Variants in PIP5K1C observed in about 807,000 individuals in gnomAD.
The protein encoded by PIP5K1C is phosphatidylinositol-4-phosphate 5-kinase type 1 gamma.
In PIP5K1C, 45 loss-of-function variants were observed where a neutral mutation model predicts 80.1. The ratio of observed to expected loss-of-function variants is 0.56; its 90% CI spans 0.44 to 0.72. The LOEUF is 0.72. Ranked by LOEUF, PIP5K1C falls within the 30% of genes least tolerant of loss-of-function variation. The probability of loss-of-function intolerance (pLI) is 0.00; values close to 1 mark genes in which losing one functional copy is unlikely to be tolerated. For missense variants in PIP5K1C, 753 were observed against 954.6 expected, an observed-to-expected ratio of 0.79 and a Z score of 2.78; for synonymous variants, 498 against 420.1, an observed-to-expected ratio of 1.19 and a Z score of -2.27.
chr19:3,667,197 C>A, intron 2 of PIP5K1C, 125 bp downstream of exon 2: 1 of 797,354 alleles, frequency 1.3e-6, no homozygotes, highest in South Asian at 1.5e-5. Context: ...CTTGTGGACA[C>A]TGGACGGCAT....
chr19:3,687,498 C>CACACACAT (rs2035794946), intron 1 of PIP5K1C, among the ~76,000 whole-genome samples: 1 of 151,914 alleles, frequency 6.6e-6, no homozygotes, highest in African/African-American at 2.4e-5. Flanking sequence ...CGCACATACA[C>CACACACAT]GCACACATGC....
Position 3,688,732 on chromosome 19 carries a change from AAG to A in PIP5K1C, c.94+11563_94+11564del, listed in dbSNP as rs140253409. Among the ~76,000 whole-genome samples the A allele has an allele frequency of 1.1e-4, 17 of 150,202 alleles. No individual in the cohort carries two copies. The highest frequency in any genetic ancestry group is 1.3e-4 in the Admixed American group (2 of 15,102). ...TTGCTCAAACAGGACTGAGAGCGGAAAGAGAGAGAGAGAGAGGAGAGTGGGGG... is the reference window on the plus strand; with the variant it reads ...TTGCTCAAACAGGACTGAGAGCGGAAAGAGAGAGAGAGAGGAGAGTGGGGG... On this transcript the variant is annotated intron_variant, in intron 1 of 17. Transcript: ENST00000335312. This position sits in a 1 kb window ranked among gnomAD's most constrained non-coding sequence, Gnocchi z 5.3.
rs1451607225 is a variant in PIP5K1C at position 3,688,338 on chromosome 19, GCCGCAGGGGAGC to G, written c.94+11947_94+11958del. Among the ~76,000 whole-genome samples the G allele has an allele frequency of 6.6e-6, 1 of 152,206 alleles. No individual in the cohort carries two copies. The highest frequency in any genetic ancestry group is 1.5e-5 in the Non-Finnish European group (1 of 68,020). On this transcript the variant is annotated intron_variant, in intron 1 of 17. Coordinates refer to ENST00000335312, the MANE Select transcript of PIP5K1C (RefSeq NM_012398.3). The surrounding 1 kb of genome is among the most constrained non-coding windows in gnomAD (Gnocchi z 5.3). ...GCCGTGGTGGGAAACAGAGCGGGGT[GCCGCAGGGGAGC>G]CCGCAGGAGCTCCTGTTCCTCACCT...
At chr19:3,678,389 T>C (rs1182236301) in intron 1 of PIP5K1C, among the ~76,000 whole-genome samples, 1 of 89,616 alleles carries the variant, frequency 1.1e-5, no homozygotes, top group Non-Finnish European at 2.2e-5. Flanking sequence ...GGAGAATAGA[T>C]GGATGGAGGG....
At chr19:3,699,716 G>A (rs368792714) in intron 1 of PIP5K1C, among the ~76,000 whole-genome samples, 1 of 152,184 alleles carries the variant, frequency 6.6e-6, no homozygotes. Context: ...CGTGCCCCCC[G>A]CCCAGCCCGC....
chr19:3,673,837 G>C (rs2145541434), intron 1 of PIP5K1C: 1 of 152,544 alleles, frequency 6.6e-6, no homozygotes, highest in Non-Finnish European at 1.5e-5. Context: ...TGGGGACCCG[G>C]AGGCGGCAGG....
At chr19:3,675,345 G>A (rs139780166) in intron 1 of PIP5K1C, among the ~76,000 whole-genome samples, 63 of 152,216 alleles carry the variant, frequency 4.1e-4, no homozygotes, top group African/African-American at 1.3e-3. Context: ...CTCCAAACTC[G>A]GTCATCCCCC....
chr19:3,643,259 C>CCGA lies in PIP5K1C; in HGVS notation c.1630_1632dup (p.Ser544dup), dbSNP rs753028086. On this transcript the variant is annotated inframe_insertion, in exon 13 of 18. Transcript: ENST00000335312. ...CTCGCCCACCTGTACCGCGGCTGCT[C>CCGA]CGACGTCTCCGAGGGGGACCGCTCA... The CCGA allele has an allele frequency of 4.3e-6, 7 of 1,613,572 alleles. No homozygotes were observed. The highest frequency in any genetic ancestry group is 5.9e-6 in the Non-Finnish European group (7 of 1,179,846).
intron 11 of PIP5K1C, among the ~76,000 whole-genome samples, chr19:3,645,297 G>A (rs986330344): frequency 6.6e-6 from 1 of 152,262 alleles, no homozygotes; most frequent in Non-Finnish European, 1.5e-5. Flanking sequence ...CTTCTGGTGG[G>A]GAGGGTGGCT....
intron 13 of PIP5K1C, 85 bp downstream of exon 13, chr19:3,643,158 G>A (rs1335140645): frequency 4.0e-5 from 64 of 1,591,360 alleles, no homozygotes; most frequent in Non-Finnish European, 5.1e-6. Flanking sequence ...CATGCACAGC[G>A]GATGCCCCGC....
chr19:3,684,278 AC>A (rs2035684555), intron 1 of PIP5K1C, among the ~76,000 whole-genome samples: 1 of 151,942 alleles, frequency 6.6e-6, no homozygotes, highest in African/African-American at 2.4e-5. Flanking sequence ...CCGCCCCCTC[AC>A]CCCACACACA....
At position 3,643,980 on chromosome 19, in the gene PIP5K1C, G is replaced by C. The variant is rs2034096679; in HGVS notation, c.1510+107C>G. 5 of 1,340,554 alleles carry C rather than the reference G, an allele frequency of 3.7e-6. No homozygotes were observed. The South Asian group carries it at 6.3e-5, about 17-fold the overall frequency. 83.0% of individuals were successfully genotyped at this position (1,340,554 alleles called of 1,614,324 possible). A position where few individuals can be genotyped will look rare whatever the true frequency, so the allele number is the denominator to read the frequency against. On this transcript the variant is annotated intron_variant, in intron 12 of 17. Coordinates refer to ENST00000335312, the MANE Select transcript of PIP5K1C (RefSeq NM_012398.3). ...GCAGGCGGCCCTGCAGATCCGGAGG[G>C]GGTGGCTGAGCGATGGGCACTCAGG...
chr19:3,641,215 A>G (rs2033946990), intron 15 of PIP5K1C, among the ~76,000 whole-genome samples: 1 of 152,092 alleles, frequency 6.6e-6, no homozygotes, highest in Non-Finnish European at 1.5e-5. Flanking sequence ...ATCCTGTCTC[A>G]CAAAAAAAAT....
chr19:3,675,793 T>C (rs1010677326), intron 1 of PIP5K1C, among the ~76,000 whole-genome samples: 1 of 152,134 alleles, frequency 6.6e-6, no homozygotes, highest in Non-Finnish European at 1.5e-5. Flanking sequence ...TCCTGGGCAC[T>C]GCAGGGTGCC....
At chr19:3,651,740 T>C in intron 8 of PIP5K1C, 86 bp downstream of exon 8, 1 of 1,358,278 alleles carries the variant, frequency 7.4e-7, no homozygotes, top group Non-Finnish European at 1.0e-6. Flanking sequence ...CCTCCCTGCC[T>C]GTTTTCACAC....
At position 3,700,349 on chromosome 19, in the gene PIP5K1C, CG is replaced by C; in HGVS notation, c.41del (p.Ala14GlyfsTer33). On this transcript the variant is annotated frameshift_variant, in exon 1 of 18. Transcript: ENST00000335312. LOFTEE classifies it high-confidence loss of function. Reference sequence around the variant, plus strand: ...ACGCCGCCTCCGAGGGCACGGCCCCCGCCTCAGCGCTCTCCGCCTCGTCCGG... The same window carrying C: ...ACGCCGCCTCCGAGGGCACGGCCCCCCCTCAGCGCTCTCCGCCTCGTCCGG... ...EVPDEAESAE[A>X]GAVPSEAAWA... is the part of the protein sequence containing the mutation. The C allele has an allele frequency of 1.6e-6, 2 of 1,289,978 alleles. No homozygotes were observed. Among genetic ancestry groups the C allele is most frequent in the Non-Finnish European group, 2.0e-6 (2 of 1,001,890 alleles). 79.9% of individuals were successfully genotyped at this position (1,289,978 alleles called of 1,614,324 possible). A position where few individuals can be genotyped will look rare whatever the true frequency, so the allele number is the denominator to read the frequency against.
At chr19:3,640,200 CCAGA>C (rs372771751) in intron 15 of PIP5K1C, among the ~76,000 whole-genome samples, 68 of 152,260 alleles carry the variant, frequency 4.5e-4, no homozygotes, top group East Asian at 1.7e-3. Flanking sequence ...ATTATACACA[CCAGA>C]CAGATGACAG....
chr19:3,666,591 A>G (rs371387457), intron 2 of PIP5K1C, among the ~76,000 whole-genome samples: 5 of 152,124 alleles, frequency 3.3e-5, no homozygotes, highest in African/African-American at 1.2e-4. Context: ...ACATGAACAC[A>G]GGCAAACACG....
intron 14 of PIP5K1C, among the ~76,000 whole-genome samples, chr19:3,642,085 C>G (rs1465351889): frequency 6.6e-6 from 1 of 152,202 alleles, no homozygotes; most frequent in Non-Finnish European, 1.5e-5. Flanking sequence ...CCTGCCCACC[C>G]TCCAGGCAGT....
Sources: allele counts gnomAD v4.1 joint callset (sites outside exome capture counted in the v4.1 genomes callset), GRCh38; gene constraint gnomAD v4.1.1; non-coding constraint Gnocchi (gnomAD v3.1); transcripts MANE v1.5; gene names NCBI Gene and HGNC (gene_info 2026-07-23, HGNC 2026-07-21).